Variants in FUT9 observed in about 807,000 individuals in gnomAD.
FUT9 encodes the protein fucosyltransferase 9, also known as 4-galactosyl-N-acetylglucosaminide 3-alpha-L-fucosyltransferase 9.
In FUT9, 15 loss-of-function variants were observed where a neutral mutation model predicts 29.7. The observed-to-expected ratio is 0.51, with a 90% confidence interval of 0.34 to 0.78. The LOEUF (loss-of-function observed/expected upper bound fraction) is 0.78. Ranked by LOEUF, FUT9 falls within the 30% of genes least tolerant of loss-of-function variation. The pLI is 0.01. For missense variants in FUT9, 319 were observed against 425.4 expected, an observed-to-expected ratio of 0.75 and a Z score of 2.20; for synonymous variants, 169 against 153.7, an observed-to-expected ratio of 1.10 and a Z score of -0.74.
chr6:96,058,434 T>A (rs1327380753), intron 1 of FUT9, among the ~76,000 whole-genome samples: 2 of 88,816 alleles, frequency 2.3e-5, no homozygotes, highest in Admixed American at 1.6e-4. Context: ...AGAGTAAGAG[T>A]AAAAGTGCAA....
intron 1 of FUT9, among the ~76,000 whole-genome samples, chr6:96,055,021 T>A (rs758756443): frequency 3.0e-4 from 46 of 152,302 alleles, no homozygotes; most frequent in African/African-American, 9.9e-4. Context: ...CTTGATTTAG[T>A]AATGAAATAC....
In FUT9 at chr6:96,155,241, C is replaced by T. The variant is rs182932550; in HGVS notation, c.-9+41114C>T. 4.9e-3 allele frequency among the ~76,000 whole-genome samples: 741 copies of T among 152,098 alleles called. 4 individuals are homozygous for T. Among genetic ancestry groups the T allele is most frequent in the Non-Finnish European group, 7.9e-3 (537 of 67,994 alleles). ...TGGGAGTTAGAAGGGGTAAAAAAAA[C>T]GCTCAGTGTCAAAAGATTTATTGTA... On this transcript the variant is annotated intron_variant, in intron 2 of 2. Coordinates refer to ENST00000302103, the MANE Select transcript of FUT9 (RefSeq NM_006581.4).
intron 2 of FUT9, among the ~76,000 whole-genome samples, chr6:96,200,708 A>T (rs1428749521): frequency 6.6e-6 from 1 of 152,138 alleles, no homozygotes; most frequent in East Asian, 1.9e-4. Flanking sequence ...TTGGTCTCAC[A>T]GGAAGAAAAC....
chr6:96,203,994 A>G lies in FUT9; in HGVS notation c.839A>G (p.Tyr280Cys). 2 of 1,611,780 alleles carry G rather than the reference A, an allele frequency of 1.2e-6. No individual in the cohort carries two copies. The highest frequency in any genetic ancestry group is 1.7e-6 in the Non-Finnish European group (2 of 1,179,286). ...CCATCTAGGGAAAACTATGAGAATT[A>G]TATTCCAGCAGATTCATTCATTCAT... ...LGPSRENYENYIPADSFIHVE... is the reference protein window; with the variant it reads ...LGPSRENYENCIPADSFIHVE... Residue 280 changes from tyrosine to cysteine, a missense_variant, in exon 3 of 3, where the codon TAT becomes TGT. Coordinates refer to ENST00000302103, the MANE Select transcript of FUT9 (RefSeq NM_006581.4).
At chr6:96,064,960 C>T (rs1390196830) in intron 1 of FUT9, among the ~76,000 whole-genome samples, 1 of 152,122 alleles carries the variant, frequency 6.6e-6, no homozygotes, top group Non-Finnish European at 1.5e-5. Flanking sequence ...TCTTAGATTG[C>T]TACAACACAA....
chr6:96,031,186 T>C (rs1320821352), intron 1 of FUT9, among the ~76,000 whole-genome samples: 7 of 151,624 alleles, frequency 4.6e-5, no homozygotes, highest in African/African-American at 1.7e-4. Context: ...TGCCTAGAGA[T>C]GGTTATTTCA....
intron 2 of FUT9, among the ~76,000 whole-genome samples, chr6:96,171,358 TAAG>T (rs1773109166): frequency 3.9e-5 from 6 of 152,204 alleles, no homozygotes; most frequent in Admixed American, 2.0e-4. Context: ...CTCAAGGCAG[TAAG>T]CAGTTGGCTT....
intron 2 of FUT9, among the ~76,000 whole-genome samples, chr6:96,193,388 C>A (rs4568461): frequency 1.0e-5 from 1 of 98,068 alleles, no homozygotes; most frequent in Non-Finnish European, 2.1e-5. Context: ...AGAAAGTGGG[C>A]GAAGGATGTG....
intron 1 of FUT9, among the ~76,000 whole-genome samples, chr6:96,039,947 C>CT (rs1305222958): frequency 0.016 from 1,665 of 101,862 alleles, 30 homozygotes; most frequent in African/African-American, 0.06. Context: ...TAAATTCAAA[C>CT]TATTTTTTTT....
At chr6:96,054,807 A>G (rs2127940358) in intron 1 of FUT9, among the ~76,000 whole-genome samples, 1 of 152,306 alleles carries the variant, frequency 6.6e-6, no homozygotes, top group South Asian at 2.1e-4. Context: ...TAGTGCATAT[A>G]TCACAAGGTT....
intron 2 of FUT9, among the ~76,000 whole-genome samples, chr6:96,152,904 C>G (rs1366290497): frequency 1.3e-5 from 2 of 152,158 alleles, no homozygotes; most frequent in Admixed American, 1.3e-4. Context: ...TGCATTCCCA[C>G]GAACACGGTT....
At chr6:96,064,988 A>G (rs1450689040) in intron 1 of FUT9, among the ~76,000 whole-genome samples, 1 of 152,208 alleles carries the variant, frequency 6.6e-6, no homozygotes, top group East Asian at 1.9e-4. Context: ...AACAGTAAAA[A>G]TGAAAATTCC....
chr6:96,086,340 G>T lies in FUT9; in HGVS notation c.-97-27699G>T, dbSNP rs890606519. ...TTTTAATTTCTGATTCAAAGCTTTGGTTTATTTTTCCTGCTTATCAATTTG... is the reference window on the plus strand; with the variant it reads ...TTTTAATTTCTGATTCAAAGCTTTGTTTTATTTTTCCTGCTTATCAATTTG... On this transcript the variant is annotated intron_variant, in intron 1 of 2. Coordinates refer to ENST00000302103, the MANE Select transcript of FUT9 (RefSeq NM_006581.4). Among the ~76,000 whole-genome samples the T allele has an allele frequency of 2.6e-5, 4 of 152,142 alleles. No individual in the cohort carries two copies. In the East Asian group the frequency reaches 7.7e-4, roughly 29 times the overall value.
intron 2 of FUT9, among the ~76,000 whole-genome samples, chr6:96,116,084 A>G (rs1771906308): frequency 6.6e-6 from 1 of 152,192 alleles, no homozygotes; most frequent in Non-Finnish European, 1.5e-5. Context: ...ATATATAAAA[A>G]ACTCTTAAAA....
intron 1 of FUT9, among the ~76,000 whole-genome samples, chr6:96,041,348 A>G (rs1225930389): frequency 6.6e-6 from 1 of 152,172 alleles, no homozygotes; most frequent in African/African-American, 2.4e-5. Flanking sequence ...TGCTTGGTAG[A>G]ATACATGATT....
chr6:96,181,624 T>C (rs1158744427), intron 2 of FUT9, among the ~76,000 whole-genome samples: 2 of 151,966 alleles, frequency 1.3e-5, no homozygotes, highest in African/African-American at 2.4e-5. Flanking sequence ...GTGTCATTCA[T>C]ATGCCTTTGC....
At chr6:96,163,397 A>T (rs1434664205) in intron 2 of FUT9, among the ~76,000 whole-genome samples, 1 of 151,748 alleles carries the variant, frequency 6.6e-6, no homozygotes, top group Non-Finnish European at 1.5e-5. Context: ...GATGAACTGT[A>T]ACCTAGCTTA....
rs995662237 is a variant in FUT9 at position 96,048,512 on chromosome 6, A to G, written c.-98+32300A>G. ...TAAGGAAGGATTGACAAAGAGAAGC[A>G]AGGTTTCCAAATTGGACAAAAGGAT... On this transcript the variant is annotated intron_variant, in intron 1 of 2. Coordinates refer to ENST00000302103, the MANE Select transcript of FUT9 (RefSeq NM_006581.4). Among the ~76,000 whole-genome samples the G allele has an allele frequency of 3.9e-5, 6 of 152,338 alleles. No homozygotes were observed. The East Asian group carries it at 1.2e-3, about 29-fold the overall frequency.
rs1385177928 is a variant in FUT9, at chr6:96,168,883, C to T, written c.-8-34265C>T. Among the ~76,000 whole-genome samples, 3 of 152,114 alleles carry T rather than the reference C, an allele frequency of 2.0e-5. 1 individual carries two copies. The highest frequency in any genetic ancestry group is 4.4e-5 in the Non-Finnish European group (3 of 68,034). Reference sequence around the variant, plus strand: ...TTTTAATAGTCAAGAGGTGATGGGACTTACTGTACAAATCAAGGAATTGGC... The same window carrying T: ...TTTTAATAGTCAAGAGGTGATGGGATTTACTGTACAAATCAAGGAATTGGC... On this transcript the variant is annotated intron_variant, in intron 2 of 2. Coordinates refer to ENST00000302103, the MANE Select transcript of FUT9 (RefSeq NM_006581.4).
Sources: gnomAD v4.1 joint callset for allele counts (sites outside exome capture counted in the v4.1 genomes callset) on GRCh38, gnomAD v4.1.1 for gene constraint, MANE v1.5 for transcripts, NCBI Gene and HGNC (gene_info 2026-07-23, HGNC 2026-07-21) for gene names.